Variants in RORA observed in about 807,000 individuals in gnomAD.
RORA encodes RAR related orphan receptor A, also known as nuclear receptor ROR-alpha.
Under a neutral mutation model 69.5 loss-of-function variants are expected in RORA, and 7 were observed. The observed-to-expected ratio is 0.10, with a 90% confidence interval of 0.06 to 0.19. The LOEUF (loss-of-function observed/expected upper bound fraction) is 0.19, where lower values mean the gene tolerates loss of function less well. Among genes scored for constraint, RORA ranks in the 10% least tolerant of loss-of-function variants. The probability of loss-of-function intolerance (pLI) is 1.00; values close to 1 mark genes in which losing one functional copy is unlikely to be tolerated. For missense variants in RORA, 457 were observed against 663.0 expected (o/e 0.69, Z 3.41); for synonymous variants, 261 against 240.8 (o/e 1.08, Z -0.78).
At chr15:61,066,356 C>G (rs973510637) in intron 1 of RORA, among the ~76,000 whole-genome samples, 4 of 148,574 alleles carry the variant, frequency 2.7e-5, no homozygotes, top group South Asian at 4.3e-4. Context: ...TTTTTAGGAC[C>G]AAAGTGACAA....
rs140999651 is a variant in RORA at position 60,561,570 on chromosome 15, A to C, written c.197-29719T>G. Among the ~76,000 whole-genome samples, 911 of 152,306 alleles carry C rather than the reference A, an allele frequency of 6.0e-3. 12 individuals are homozygous for C. Among genetic ancestry groups the C allele is most frequent in the African/African-American group, 0.021 (876 of 41,556 alleles). On this transcript the variant is annotated intron_variant, in intron 2 of 10. Transcript: ENST00000335670. ...AGATGCTTTAACATCTTTATGTTAA[A>C]GCTTTAACAACATGGCTCTCAAGGT...
intron 1 of RORA, among the ~76,000 whole-genome samples, chr15:60,827,330 G>A (rs911897128): frequency 2.0e-5 from 3 of 152,166 alleles, no homozygotes; most frequent in African/African-American, 2.4e-5. Flanking sequence ...GCGTTAGCTC[G>A]TGGAAATTGA....
At chr15:60,502,146 A>G (rs1020985703) in intron 8 of RORA, among the ~76,000 whole-genome samples, 4 of 152,054 alleles carry the variant, frequency 2.6e-5, no homozygotes, top group Non-Finnish European at 5.9e-5. Flanking sequence ...ATGCCCAGCT[A>G]ATTTTTGTAT....
intron 1 of RORA, among the ~76,000 whole-genome samples, chr15:60,767,477 C>T (rs899437996): frequency 1.3e-5 from 2 of 152,168 alleles, no homozygotes; most frequent in Admixed American, 6.5e-5. Context: ...CCCTATTTCA[C>T]ACAGCTGACG....
intron 1 of RORA, among the ~76,000 whole-genome samples, chr15:60,865,360 G>A (rs1256571594): frequency 6.6e-6 from 1 of 152,172 alleles, no homozygotes; most frequent in Non-Finnish European, 1.5e-5. Context: ...TTGTGCTCTG[G>A]TAAGTAGAAG....
intron 1 of RORA, among the ~76,000 whole-genome samples, chr15:61,091,078 C>T (rs2078699325): frequency 6.6e-6 from 1 of 152,188 alleles, no homozygotes. Context: ...CTCATTAATG[C>T]TTTTCCGGTT....
In RORA at chr15:60,592,699, G is replaced by C. The variant is rs2068568924; in HGVS notation, c.197-60848C>G. 6 of 1,039,042 alleles carry C rather than the reference G, an allele frequency of 5.8e-6. No individual in the cohort carries two copies. The South Asian group carries it at 2.2e-4, about 38-fold the overall frequency. The allele number at this position is 1,039,042 out of a possible 1,614,324, so 64.4% of individuals were successfully genotyped here. A position where few individuals can be genotyped will look rare whatever the true frequency, so the allele number is the denominator to read the frequency against. On this transcript the variant is annotated intron_variant, in intron 2 of 10. Transcript: ENST00000335670. ...CGCCGCGCCCCGCCCCGCCCCCGCG[G>C]GCAGGTGAGTAGCAGCGGCGGCTCT...
Position 60,637,967 on chromosome 15 carries a change from T to C in RORA, c.196+40690A>G, listed in dbSNP as rs147378447. On this transcript the variant is annotated intron_variant, in intron 2 of 10. Coordinates refer to ENST00000335670, the MANE Select transcript of RORA (RefSeq NM_134261.3). ...AGTTTTAGGTCTTAGGTGAAAACGA[T>C]GCAGTGTTAGCTCTTGTGTCTATAA... is the stretch of plus-strand genomic sequence containing the variant. Among the ~76,000 whole-genome samples the C allele has an allele frequency of 4.0e-3, 611 of 152,322 alleles. 1 individual carries two copies. Among genetic ancestry groups the C allele is most frequent in the Non-Finnish European group, 6.6e-3 (450 of 68,000 alleles).
At chr15:60,989,239 T>C (rs778489346) in intron 1 of RORA, among the ~76,000 whole-genome samples, 9 of 152,222 alleles carry the variant, frequency 5.9e-5, no homozygotes, top group Non-Finnish European at 8.8e-5. Context: ...TCTCCTCTCA[T>C]GTCCTCTTAA....
intron 1 of RORA, among the ~76,000 whole-genome samples, chr15:61,050,862 T>C (rs1897258451): frequency 2.0e-5 from 3 of 152,172 alleles, no homozygotes; most frequent in Admixed American, 6.5e-5. Context: ...AAGTCTTAGG[T>C]TGACTAACTT....
intron 1 of RORA, among the ~76,000 whole-genome samples, chr15:61,157,548 G>A (rs1259319014): frequency 6.6e-6 from 1 of 152,144 alleles, no homozygotes; most frequent in Admixed American, 6.5e-5. Context: ...TTTGTACCCA[G>A]CTTACTTACC....
chr15:60,687,081 C>A (rs1219676347), intron 1 of RORA, among the ~76,000 whole-genome samples: 1 of 152,090 alleles, frequency 6.6e-6, no homozygotes, highest in African/African-American at 2.4e-5. Context: ...AGGAAAAACC[C>A]CATGCATTCA....
At chr15:61,019,259 T>G (rs1895417303) in intron 1 of RORA, among the ~76,000 whole-genome samples, 1 of 152,222 alleles carries the variant, frequency 6.6e-6, no homozygotes. Context: ...AACATTGTCA[T>G]GATAACCCCA....
chr15:60,927,938 A>C (rs1892264339), intron 1 of RORA, among the ~76,000 whole-genome samples: 1 of 152,208 alleles, frequency 6.6e-6, no homozygotes, highest in African/African-American at 2.4e-5. Flanking sequence ...CTGGATTAGA[A>C]CCACAGTCTT....
At chr15:60,869,188 T>C (rs2140433825) in intron 1 of RORA, among the ~76,000 whole-genome samples, 1 of 152,340 alleles carries the variant, frequency 6.6e-6, no homozygotes, top group South Asian at 2.1e-4. Context: ...GCAGCCAAGG[T>C]AACCATTTTT....
At position 61,221,606 on chromosome 15, in the gene RORA, TTTC is replaced by T. The variant is rs571707999; in HGVS notation, c.166+7444_166+7446del. Among the ~76,000 whole-genome samples the T allele has an allele frequency of 4.6e-5, 7 of 152,202 alleles. No individual in the cohort carries two copies. In the East Asian group the frequency reaches 9.6e-4, roughly 21 times the overall value. On this transcript the variant is annotated intron_variant, in intron 1 of 10. Transcript: ENST00000335670. ...AGACTGTCATTTATACACAATTTTA[TTTC>T]TTCTTACTTCTTTCACACACGCCTA...
chr15:61,021,276 T>C (rs1041590187), intron 1 of RORA, among the ~76,000 whole-genome samples: 1 of 152,192 alleles, frequency 6.6e-6, no homozygotes, highest in African/African-American at 2.4e-5. Context: ...AGTGGGAGAC[T>C]AGAAAGGCAG....
intron 1 of RORA, chr15:60,682,303 AC>A (rs1278896788): frequency 6.6e-6 from 1 of 152,196 alleles, no homozygotes; most frequent in Non-Finnish European, 1.5e-5. Context: ...TGCCATTGCT[AC>A]TCATGATGTC....
chr15:60,992,375 T>C (rs948176834), intron 1 of RORA, among the ~76,000 whole-genome samples: 3 of 151,692 alleles, frequency 2.0e-5, no homozygotes, highest in Non-Finnish European at 4.4e-5. Context: ...TAGGTACTTG[T>C]ATTTCCTATG....
Sources: gnomAD v4.1 joint callset for allele counts (sites outside exome capture counted in the v4.1 genomes callset) on GRCh38, gnomAD v4.1.1 for gene constraint, MANE v1.5 for transcripts, NCBI Gene and HGNC (gene_info 2026-07-23, HGNC 2026-07-21) for gene names.